The following PCGF5 variants were observed in gnomAD, a reference collection of about 807,000 sequenced individuals.
The protein encoded by PCGF5 is polycomb group ring finger 5.
In PCGF5, 9 loss-of-function variants were observed where a neutral mutation model predicts 44.3. The observed-to-expected ratio is 0.20, with a 90% confidence interval of 0.12 to 0.35. The LOEUF is 0.35. PCGF5 is among the 10% of genes least tolerant of loss of function. PCGF5 has a pLI of 1.00. For synonymous variants in PCGF5, 95 were observed against 102.5 expected, an observed-to-expected ratio of 0.93 and a Z score of 0.44; for missense variants, 146 against 305.3, an observed-to-expected ratio of 0.48 and a Z score of 3.89.
At chr10:91,224,284 A>G (rs1017596346) in intron 2 of PCGF5, among the ~76,000 whole-genome samples, 5 of 152,164 alleles carry the variant, frequency 3.3e-5, no homozygotes, top group East Asian at 3.8e-4. Context: ...ATCTTATTCA[A>G]TTAGCAATTA....
chr10:91,210,860 A>G (rs1038668813), intron 1 of PCGF5, among the ~76,000 whole-genome samples: 4 of 152,256 alleles, frequency 2.6e-5, no homozygotes, highest in African/African-American at 9.6e-5. Flanking sequence ...AGTAAGTAGG[A>G]GAGCAAGTTT....
intron 2 of PCGF5, chr10:91,227,203 A>G: frequency 2.6e-6 from 1 of 388,884 alleles, no homozygotes; most frequent in Non-Finnish European, 5.0e-6. Flanking sequence ...ATATGCCAAG[A>G]AGAAATTTCT....
At chr10:91,211,986 T>C (rs771728921) in intron 1 of PCGF5, among the ~76,000 whole-genome samples, 2 of 152,204 alleles carry the variant, frequency 1.3e-5, no homozygotes, top group Non-Finnish European at 2.9e-5. Context: ...TCAGGAGCGG[T>C]GTGATACTGG....
At chr10:91,257,097 T>C (rs532363022) in intron 6 of PCGF5, among the ~76,000 whole-genome samples, 1 of 152,206 alleles carries the variant, frequency 6.6e-6, no homozygotes, top group Admixed American at 6.6e-5. Context: ...TATGAAGAAC[T>C]CTTATAAATC....
intron 2 of PCGF5, among the ~76,000 whole-genome samples, chr10:91,234,680 A>G (rs1387495325): frequency 6.6e-6 from 1 of 152,226 alleles, no homozygotes; most frequent in Non-Finnish European, 1.5e-5. Flanking sequence ...GATCTAATTT[A>G]TGGTAAAGCT....
chr10:91,227,679 T>C (rs1844884031), intron 2 of PCGF5: 2 of 1,053,186 alleles, frequency 1.9e-6, no homozygotes, highest in Non-Finnish European at 1.1e-6. Context: ...TAACCCACCC[T>C]AAAATTTCCT....
chr10:91,170,394 A>C (rs1263691879), intron 1 of PCGF5, among the ~76,000 whole-genome samples: 1 of 152,248 alleles, frequency 6.6e-6, no homozygotes, highest in Non-Finnish European at 1.5e-5. Flanking sequence ...TGTTATCTAA[A>C]ATATACAAGG....
chr10:91,222,880 C>A lies in PCGF5; in HGVS notation c.9C>A (p.Thr3=), dbSNP rs771739761. The change falls in exon 2 of 10, where the codon ACC becomes ACA. Residue 3 remains threonine (T), a synonymous_variant. Coordinates refer to ENST00000336126, the MANE Select transcript of PCGF5 (RefSeq NM_032373.5). MA[T]QRKHLVKDFN... ...GTCTTCACTAGCCACGAATGGCTAC[C>A]CAAAGGAAACACTTGGTGAAAGATT... 19 of 1,609,736 alleles carry A rather than the reference C, an allele frequency of 1.2e-5. No individual in the cohort carries two copies. The South Asian group carries it at 1.6e-4, about 14-fold the overall frequency.
chr10:91,171,981 T>G (rs1379853872), intron 1 of PCGF5, among the ~76,000 whole-genome samples: 1 of 152,216 alleles, frequency 6.6e-6, no homozygotes, highest in Non-Finnish European at 1.5e-5. Flanking sequence ...GGAAAGTACC[T>G]TAAAGATAAG....
chr10:91,268,610 A>G (rs970140032), intron 8 of PCGF5, among the ~76,000 whole-genome samples: 1 of 151,986 alleles, frequency 6.6e-6, no homozygotes, highest in East Asian at 1.9e-4. Flanking sequence ...GGAGTCTTTC[A>G]TCTCTGACAA....
In PCGF5 at chr10:91,278,472, A is replaced by G; in HGVS notation, c.*156A>G. 1.5e-6 allele frequency: 1 copy of G among 677,290 alleles called. No homozygotes were observed. The highest frequency in any genetic ancestry group is 2.4e-5 in the Admixed American group (1 of 41,638). The allele number at this position is 677,290 out of a possible 1,614,324, so 42.0% of individuals were successfully genotyped here. ...TATCTCTAAATTGTCAGTTGCATTC[A>G]TGTTGTTTCTATTAGGAGCAAACCA... On this transcript the variant is annotated 3_prime_UTR_variant, in exon 10 of 10. Coordinates refer to ENST00000336126, the MANE Select transcript of PCGF5 (RefSeq NM_032373.5).
intron 2 of PCGF5, chr10:91,227,748 C>T (rs1844887168): frequency 1.0e-6 from 1 of 1,000,114 alleles, no homozygotes; most frequent in Non-Finnish European, 1.2e-6. Context: ...CTGGTTTCTG[C>T]CTACCACTTC....
At chr10:91,223,586 T>C (rs1202515912) in intron 2 of PCGF5, among the ~76,000 whole-genome samples, 4 of 152,326 alleles carry the variant, frequency 2.6e-5, no homozygotes, top group African/African-American at 7.2e-5. Context: ...TTCTCAACTG[T>C]CCCATTGGAA....
chr10:91,261,243 C>T, intron 6 of PCGF5, 83 bp from the exon 7 acceptor site: 1 of 1,349,262 alleles, frequency 7.4e-7, no homozygotes, highest in Non-Finnish European at 9.7e-7. Flanking sequence ...GATAGTGAAA[C>T]TGGTAGCTAT....
At chr10:91,226,460 A>G (rs898691700) in intron 2 of PCGF5, among the ~76,000 whole-genome samples, 1 of 152,190 alleles carries the variant, frequency 6.6e-6, no homozygotes, top group Admixed American at 6.5e-5. Context: ...GGCAGATAGT[A>G]GCCCTTGAGT....
At chr10:91,237,987 C>G (rs1210715526) in intron 2 of PCGF5, among the ~76,000 whole-genome samples, 5 of 152,048 alleles carry the variant, frequency 3.3e-5, no homozygotes, top group Non-Finnish European at 7.4e-5. Context: ...TTAAAATTTT[C>G]TAGTAGCCAC....
Position 91,222,758 on chromosome 10 carries a change from T to C in PCGF5, c.-114T>C. On this transcript the variant is annotated 5_prime_UTR_variant, in exon 2 of 10. Transcript: ENST00000336126. ...TCATGATAAATCTGGATGCTAGTTC[T>C]CATGCCTCAGGACATCCTACTGGGA... The C allele has an allele frequency of 3.4e-6, 2 of 581,526 alleles. No individual in the cohort carries two copies. Among genetic ancestry groups the C allele is most frequent in the Non-Finnish European group, 3.1e-6 (1 of 323,008 alleles). The allele number at this position is 581,526 out of a possible 1,614,324, so 36.0% of individuals were successfully genotyped here. A position where few individuals can be genotyped will look rare whatever the true frequency, so the allele number is the denominator to read the frequency against.
At chr10:91,239,897 G>A (rs113557607) in intron 2 of PCGF5, among the ~76,000 whole-genome samples, 2 of 152,030 alleles carry the variant, frequency 1.3e-5, no homozygotes, top group Non-Finnish European at 2.9e-5. Flanking sequence ...TACCTCTCAT[G>A]CCTTTGTCCC....
chr10:91,258,334 A>G (rs1256312449), intron 6 of PCGF5, among the ~76,000 whole-genome samples: 4 of 152,170 alleles, frequency 2.6e-5, no homozygotes, highest in Non-Finnish European at 1.5e-5. Context: ...CAGATGAAAA[A>G]TACACAAATT....
Sources: gnomAD v4.1 joint callset for allele counts (sites outside exome capture counted in the v4.1 genomes callset) on GRCh38, gnomAD v4.1.1 for gene constraint, MANE v1.5 for transcripts, NCBI Gene and HGNC (gene_info 2026-07-23, HGNC 2026-07-21) for gene names.